Variants in RRM2 observed in about 807,000 individuals in gnomAD.
RRM2 encodes ribonucleotide reductase regulatory subunit M2, also known as ribonucleoside-diphosphate reductase subunit M2.
RRM2 carries 6 observed loss-of-function variants against 45.9 expected under a neutral mutation model. The ratio of observed to expected loss-of-function variants is 0.13; its 90% CI spans 0.07 to 0.26. The LOEUF is 0.26. Among genes scored for constraint, RRM2 ranks in the 10% least tolerant of loss-of-function variants. The pLI is 1.00. For synonymous variants in RRM2, 177 were observed against 173.0 expected, an observed-to-expected ratio of 1.02 and a Z score of -0.18; for missense variants, 343 against 489.5, an observed-to-expected ratio of 0.70 and a Z score of 2.82.
At chr2:10,124,436 TTAA>T (rs1662737636) in intron 4 of RRM2, among the ~76,000 whole-genome samples, 1 of 152,220 alleles carries the variant, frequency 6.6e-6, no homozygotes, top group African/African-American at 2.4e-5. Context: ...CTTTGCTGTT[TTAA>T]TAATAATTTG....
intron 3 of RRM2, among the ~76,000 whole-genome samples, chr2:10,142,846 C>A (rs776463810): frequency 3.9e-5 from 6 of 152,230 alleles, no homozygotes; most frequent in South Asian, 2.1e-4. Context: ...CTGCCTTGAA[C>A]CTTCCTGAGT....
chr2:10,208,155 G>A (rs1442279691), intron 3 of RRM2, among the ~76,000 whole-genome samples: 1 of 152,176 alleles, frequency 6.6e-6, no homozygotes, highest in Non-Finnish European at 1.5e-5. Context: ...GCAGAGCAGG[G>A]GCTTTTTGCA....
At chr2:10,188,621 C>A (rs141748256) in intron 3 of RRM2, among the ~76,000 whole-genome samples, 1 of 152,152 alleles carries the variant, frequency 6.6e-6, no homozygotes, top group South Asian at 2.1e-4. Context: ...TTTCCTTGGG[C>A]CTCTCAGCTC....
intron 3 of RRM2, among the ~76,000 whole-genome samples, chr2:10,177,186 C>A (rs978428318): frequency 6.6e-6 from 1 of 151,888 alleles, no homozygotes; most frequent in African/African-American, 2.4e-5. Context: ...TTGAAGGTTG[C>A]GGTGAACCAA....
intron 1 of RRM2, 37 bp from the exon 2 acceptor site, chr2:10,122,946 G>A: frequency 3.2e-6 from 5 of 1,547,138 alleles, no homozygotes; most frequent in Non-Finnish European, 4.3e-6. Flanking sequence ...GGCAGGGAAA[G>A]CGAAGCCGCT....
intron 3 of RRM2, among the ~76,000 whole-genome samples, chr2:10,186,406 C>T (rs1386685974): frequency 1.3e-5 from 2 of 152,016 alleles, no homozygotes; most frequent in Admixed American, 6.6e-5. Flanking sequence ...CCACCCACCT[C>T]GGCCTCCCAA....
intron 3 of RRM2, among the ~76,000 whole-genome samples, chr2:10,168,485 C>T (rs1355021753): frequency 6.6e-6 from 1 of 152,134 alleles, no homozygotes; most frequent in African/African-American, 2.4e-5. Context: ...GGCAGCCTCA[C>T]TCCCAGAAGT....
intron 3 of RRM2, among the ~76,000 whole-genome samples, chr2:10,202,208 C>T (rs1428589568): frequency 1.3e-5 from 2 of 152,014 alleles, no homozygotes; most frequent in African/African-American, 4.8e-5. Flanking sequence ...TTTTATCCAA[C>T]TGAAAAAAAA....
chr2:10,127,316 A>G lies in RRM2; in HGVS notation c.798+96A>G, dbSNP rs1662800540. 8 of 1,225,002 alleles carry G rather than the reference A, an allele frequency of 6.5e-6. No homozygotes were observed. The highest frequency in any genetic ancestry group is 4.6e-6 in the Non-Finnish European group (4 of 869,286). 75.9% of individuals were successfully genotyped at this position (1,225,002 alleles called of 1,614,324 possible). A position where few individuals can be genotyped will look rare whatever the true frequency, so the allele number is the denominator to read the frequency against. ...ACGGGGACCTGAGATGCTAGATGGC[A>G]TATATCCACATTTAATGTGTGAGTT... On this transcript the variant is annotated intron_variant, in intron 7 of 9. Transcript: ENST00000304567. The surrounding 1 kb of genome is among the most constrained non-coding windows in gnomAD (Gnocchi z 4.1).
In RRM2 at chr2:10,184,091, T is replaced by TAAAAA. The variant is rs60421650; in HGVS notation, n.483-26195_483-26191dup. Reference sequence around the variant, plus strand: ...CTGGGTGACAGAGCGAGACTCCATCTAAAAAAAAAAAAAAAAAAAAAAAAA... The same window carrying TAAAAA: ...CTGGGTGACAGAGCGAGACTCCATCTAAAAAAAAAAAAAAAAAAAAAAAAAAAAAA... On this transcript the variant is annotated intron_variant and non_coding_transcript_variant, in intron 3 of 3. Coordinates refer to the RRM2 transcript ENST00000381786. Among the ~76,000 whole-genome samples the TAAAAA allele has an allele frequency of 8.5e-3, 261 of 30,668 alleles. 40 individuals are homozygous for TAAAAA. The highest frequency in any genetic ancestry group is 0.01 in the Non-Finnish European group (186 of 18,382). The allele number at this position is 30,668 out of a possible 152,430, so 20.1% of individuals were successfully genotyped here. A position where few individuals can be genotyped will look rare whatever the true frequency, so the allele number is the denominator to read the frequency against.
At chr2:10,190,665 G>T (rs1050223933) in intron 3 of RRM2, among the ~76,000 whole-genome samples, 1 of 147,566 alleles carries the variant, frequency 6.8e-6, no homozygotes, top group Admixed American at 6.7e-5. Flanking sequence ...GGTGATGAGT[G>T]TGATGATAAT....
At chr2:10,206,206 A>G (rs1424459663) in intron 3 of RRM2, among the ~76,000 whole-genome samples, 1 of 149,640 alleles carries the variant, frequency 6.7e-6, no homozygotes, top group Non-Finnish European at 1.5e-5. Flanking sequence ...AGATCGCACC[A>G]CTGTACTCCA....
At chr2:10,166,205 C>T (rs1663676879) in intron 3 of RRM2, among the ~76,000 whole-genome samples, 2 of 152,332 alleles carry the variant, frequency 1.3e-5, no homozygotes, top group South Asian at 4.1e-4. Context: ...AGTTACTTTA[C>T]ACTTCATCTA....
intron 3 of RRM2, chr2:10,142,396 G>T (rs757765707): frequency 2.2e-6 from 3 of 1,368,786 alleles, no homozygotes; most frequent in Non-Finnish European, 2.9e-6. Flanking sequence ...ATGGCAACTC[G>T]CACGGTGGGG....
intron 3 of RRM2, chr2:10,142,406 G>T: frequency 7.3e-7 from 1 of 1,368,270 alleles, no homozygotes. Context: ...GCACGGTGGG[G>T]GAAGAGGGGC....
Position 10,129,719 on chromosome 2 carries a change from A to G in RRM2, c.*333A>G. The G allele has an allele frequency of 4.2e-6, 1 of 237,126 alleles. No individual in the cohort carries two copies. 14.7% of individuals were successfully genotyped at this position (237,126 alleles called of 1,614,324 possible). On this transcript the variant is annotated 3_prime_UTR_variant, in exon 10 of 10. Coordinates refer to ENST00000304567, the MANE Select transcript of RRM2 (RefSeq NM_001034.4). The surrounding 1 kb of genome is among the most constrained non-coding windows in gnomAD (Gnocchi z 4.8). ...ACAGCCAGTTAAAAGATGCAGCCTC[A>G]CTGCTTCAACGCAGATTTTAATGTT...
At chr2:10,163,153 AGCTGAACCT>A (rs2125319552) in intron 3 of RRM2, among the ~76,000 whole-genome samples, 1 of 152,360 alleles carries the variant, frequency 6.6e-6, no homozygotes, top group African/African-American at 2.4e-5. Flanking sequence ...GTGAAAGTCA[AGCTGAACCT>A]GCTTAATTGT....
In RRM2 at chr2:10,196,006, G is replaced by A. The variant is rs191085108; in HGVS notation, n.483-14305G>A. On this transcript the variant is annotated intron_variant and non_coding_transcript_variant, in intron 3 of 3. Transcript: ENST00000381786. ...GCTACCAGCAGGGCAAGGCAGAGCC[G>A]GCCGCCCAGGGACCTGCCACTGTGG... 3.8e-3 allele frequency among the ~76,000 whole-genome samples: 572 copies of A among 152,320 alleles called. 5 individuals carry two copies. The highest frequency in any genetic ancestry group is 0.013 in the African/African-American group (536 of 41,570).
At chr2:10,155,076 G>T in intron 3 of RRM2, 1 of 211,686 alleles carries the variant, frequency 4.7e-6, no homozygotes. Context: ...TCAAGACCAT[G>T]TTGCTTCCAA....
Sources: gnomAD v4.1 joint callset for allele counts (sites outside exome capture counted in the v4.1 genomes callset) on GRCh38, gnomAD v4.1.1 for gene constraint, Gnocchi (gnomAD v3.1) non-coding constraint, MANE v1.5 for transcripts, NCBI Gene and HGNC (gene_info 2026-07-23, HGNC 2026-07-21) for gene names.